The following TMEM131 variants were observed in gnomAD, a reference collection of about 807,000 sequenced individuals.
TMEM131 encodes transmembrane protein 131.
In TMEM131, 66 loss-of-function variants were observed where a neutral mutation model predicts 211.6. The observed-to-expected ratio is 0.31, with a 90% CI of 0.26 to 0.38. The LOEUF (loss-of-function observed/expected upper bound fraction) is 0.38, where lower values mean the gene tolerates loss of function less well. TMEM131 is among the 10% of genes least tolerant of loss of function. TMEM131 has a pLI of 1.00. For missense variants in TMEM131, 2,036 were observed against 2,299.3 expected (o/e 0.89, Z 2.34); for synonymous variants, 844 against 841.3 (o/e 1.00, Z -0.06).
chr2:97,902,543 C>T (rs1303180284), intron 3 of TMEM131, among the ~76,000 whole-genome samples: 2 of 152,146 alleles, frequency 1.3e-5, no homozygotes, highest in East Asian at 3.8e-4. Context: ...GTATACTGTA[C>T]ATATTTATAC....
intron 11 of TMEM131, among the ~76,000 whole-genome samples, chr2:97,829,490 G>C (rs1682556367): frequency 1.3e-5 from 2 of 152,172 alleles, no homozygotes; most frequent in South Asian, 4.1e-4. Context: ...GATTGTAAAT[G>C]CAACAATCAG....
chr2:97,772,253 A>G lies in TMEM131; in HGVS notation c.4448+44T>C, dbSNP rs184621327. On this transcript the variant is annotated intron_variant, in intron 33 of 40. Transcript: ENST00000186436. ...AAACAGCACCTGGTTTTCGCCAGCA[A>G]CTTCTTTATAGACCTTATTTCTCTG... 3,894 of 1,572,748 alleles carry G rather than the reference A, an allele frequency of 2.5e-3. 13 individuals carry two copies. The highest frequency in any genetic ancestry group is 2.2e-3 in the Non-Finnish European group (2,529 of 1,169,368).
chr2:97,766,049 C>A, intron 35 of TMEM131, 65 bp downstream of exon 35: 1 of 1,590,124 alleles, frequency 6.3e-7, no homozygotes, highest in Non-Finnish European at 8.6e-7. Flanking sequence ...TGAAGAGTTC[C>A]ATGCCCAGAG....
intron 35 of TMEM131, chr2:97,763,856 A>T (rs1211285516): frequency 6.6e-6 from 1 of 152,456 alleles, no homozygotes; most frequent in Non-Finnish European, 1.5e-5. Flanking sequence ...ATGAAACAGG[A>T]AAAGCAAAGG....
intron 2 of TMEM131, among the ~76,000 whole-genome samples, chr2:97,916,873 A>T (rs973570646): frequency 3.9e-5 from 6 of 152,228 alleles, no homozygotes; most frequent in Non-Finnish European, 8.8e-5. Flanking sequence ...TCATGTATTT[A>T]AGAATTTAGA....
intron 2 of TMEM131, among the ~76,000 whole-genome samples, chr2:97,911,351 C>T (rs1306528524): frequency 6.6e-6 from 1 of 152,158 alleles, no homozygotes; most frequent in Admixed American, 6.5e-5. Context: ...CACGTATGTC[C>T]ATTATCTTGA....
intron 4 of TMEM131, among the ~76,000 whole-genome samples, chr2:97,886,550 C>T (rs186687370): frequency 2.2e-4 from 33 of 152,218 alleles, no homozygotes; most frequent in African/African-American, 6.7e-4. Context: ...TCACACTTGA[C>T]GTCTGCAAGT....
chr2:97,864,787 C>T (rs569418615), intron 4 of TMEM131, among the ~76,000 whole-genome samples: 12 of 152,338 alleles, frequency 7.9e-5, no homozygotes, highest in South Asian at 4.1e-4. Context: ...GAGCTGACAA[C>T]GAGAGGCTAG....
At chr2:97,880,555 G>C (rs1268284721) in intron 4 of TMEM131, among the ~76,000 whole-genome samples, 1 of 152,152 alleles carries the variant, frequency 6.6e-6, no homozygotes, top group Non-Finnish European at 1.5e-5. Flanking sequence ...TGACAGGAAG[G>C]GGATGGAGTG....
chr2:97,937,529 T>C (rs1677502695), intron 1 of TMEM131, among the ~76,000 whole-genome samples: 1 of 152,194 alleles, frequency 6.6e-6, no homozygotes, highest in African/African-American at 2.4e-5. Context: ...TACAAGTTGA[T>C]GTTAATTGTA....
At position 97,886,149 on chromosome 2, in the gene TMEM131, T is replaced by C. The variant is rs1440192842; in HGVS notation, c.359+1903A>G. ...TATGTTACCTGTCTCTTTGTTGAAT[T>C]TCTTATTCAAATCATGAATTGTTTT... On this transcript the variant is annotated intron_variant, in intron 4 of 40. Transcript: ENST00000186436. Among the ~76,000 whole-genome samples the C allele has an allele frequency of 3.3e-5, 5 of 152,184 alleles. No homozygotes were observed. In the South Asian group the frequency reaches 1.0e-3, roughly 32 times the overall value.
chr2:97,765,195 C>G (rs1454517377), intron 35 of TMEM131: 1 of 152,212 alleles, frequency 6.6e-6, no homozygotes, highest in African/African-American at 2.4e-5. Context: ...TAAAAGGTGC[C>G]AGAAAGTCTC....
At chr2:97,831,502 A>G (rs376834307) in intron 11 of TMEM131, among the ~76,000 whole-genome samples, 87 of 152,276 alleles carry the variant, frequency 5.7e-4, no homozygotes, top group African/African-American at 1.9e-3. Flanking sequence ...GGATATTATA[A>G]AAGATACACA....
At chr2:97,838,426 C>CTTTTTTTTTTTTTTT (rs753635047) in intron 7 of TMEM131, among the ~76,000 whole-genome samples, 3 of 89,094 alleles carry the variant, frequency 3.4e-5, no homozygotes, top group African/African-American at 1.3e-4. Flanking sequence ...TAAGCTTAAA[C>CTTTTTTTTTTTTTTT]TTTTTTTTTT....
At chr2:97,829,721 G>C (rs572983210) in intron 11 of TMEM131, among the ~76,000 whole-genome samples, 1 of 152,096 alleles carries the variant, frequency 6.6e-6, no homozygotes, top group Admixed American at 6.5e-5. Context: ...CACTCACAAC[G>C]AAGGTCTATG....
chr2:97,820,243 G>T (rs1463946069), intron 11 of TMEM131, among the ~76,000 whole-genome samples: 2 of 152,166 alleles, frequency 1.3e-5, no homozygotes, highest in Non-Finnish European at 2.9e-5. Context: ...ATTTGTTCAT[G>T]TAATATTTTT....
At chr2:97,786,166 GGAGAAACTGGGTAAAAGGTATAA>G (rs1365181975) in intron 31 of TMEM131, among the ~76,000 whole-genome samples, 2 of 152,108 alleles carry the variant, frequency 1.3e-5, no homozygotes, top group Non-Finnish European at 1.5e-5. Context: ...GTTACCATTG[GGAGAAACTGGGTAAAAGGTATAA>G]GAGATCTCTG....
intron 1 of TMEM131, among the ~76,000 whole-genome samples, chr2:97,972,453 G>A (rs1298959190): frequency 6.9e-6 from 1 of 145,854 alleles, no homozygotes; most frequent in African/African-American, 2.5e-5. Flanking sequence ...GAGGGAGGGA[G>A]GGGAGGGAGG....
At chr2:97,866,739 T>C (rs1674287365) in intron 4 of TMEM131, among the ~76,000 whole-genome samples, 1 of 152,212 alleles carries the variant, frequency 6.6e-6, no homozygotes, top group Non-Finnish European at 1.5e-5. Flanking sequence ...ATTTATTCGA[T>C]TCACTGATTA....
Sources: allele counts gnomAD v4.1 joint callset (sites outside exome capture counted in the v4.1 genomes callset), GRCh38; gene constraint gnomAD v4.1.1; transcripts MANE v1.5; gene names NCBI Gene and HGNC (gene_info 2026-07-23, HGNC 2026-07-21).